The following ZNF892 variants were observed in gnomAD, a reference collection of about 807,000 sequenced individuals.
ZNF892 encodes the protein zinc finger protein 892.
At chr2:95,207,330 C>T in the ZNF892 span, among the ~76,000 whole-genome samples, 1 of 152,212 alleles carries the variant, frequency 6.6e-6, no homozygotes, top group Non-Finnish European at 1.5e-5. Flanking sequence ...AGAGTCGGCA[C>T]CGAGGGAGGA....
chr2:95,217,746 C>T, the ZNF892 span, among the ~76,000 whole-genome samples: 1 of 152,168 alleles, frequency 6.6e-6, no homozygotes, highest in Non-Finnish European at 1.5e-5. Flanking sequence ...GCTCAATGCT[C>T]TGCCTTCCAG....
the ZNF892 span, among the ~76,000 whole-genome samples, chr2:95,258,623 A>G: frequency 6.6e-6 from 1 of 152,182 alleles, no homozygotes; most frequent in Non-Finnish European, 1.5e-5. Flanking sequence ...GAGGGAGTTG[A>G]AAAAGTGGAA....
the ZNF892 span, among the ~76,000 whole-genome samples, chr2:95,262,803 C>T: frequency 6.6e-6 from 1 of 152,196 alleles, no homozygotes; most frequent in East Asian, 1.9e-4. Flanking sequence ...CTGACGTATT[C>T]AACTGAACCT....
the ZNF892 span, among the ~76,000 whole-genome samples, chr2:95,253,758 A>G: frequency 3.2e-4 from 49 of 152,058 alleles, no homozygotes; most frequent in African/African-American, 1.2e-3. Flanking sequence ...CTTTTATTTC[A>G]TTGTGCAGTG....
At chr2:95,259,659 A>G in the ZNF892 span, 1 of 152,276 alleles carries the variant, frequency 6.6e-6, no homozygotes, top group African/African-American at 2.4e-5. Context: ...ATTGGGACAG[A>G]ACTTGATTGT....
At chr2:95,261,234 C>T in the ZNF892 span, among the ~76,000 whole-genome samples, 1 of 152,178 alleles carries the variant, frequency 6.6e-6, no homozygotes, top group Non-Finnish European at 1.5e-5. Context: ...GACTGACATT[C>T]CTTCCTCTGT....
At chr2:95,238,418 C>T in the ZNF892 span, among the ~76,000 whole-genome samples, 48 of 152,350 alleles carry the variant, frequency 3.2e-4, no homozygotes, top group Non-Finnish European at 4.4e-5. Context: ...AGACCTACTG[C>T]TTAGAAAAAT....
At chr2:95,219,343 C>T in the ZNF892 span, among the ~76,000 whole-genome samples, 2 of 152,052 alleles carry the variant, frequency 1.3e-5, no homozygotes, top group African/African-American at 4.8e-5. Context: ...TTCACTAGAT[C>T]TTCCCTCTGT....
the ZNF892 span, among the ~76,000 whole-genome samples, chr2:95,257,760 G>A: frequency 2.6e-5 from 4 of 152,274 alleles, no homozygotes; most frequent in Non-Finnish European, 4.4e-5. Context: ...CTCAAGCCTC[G>A]GCAGTGGCGG....
the ZNF892 span, among the ~76,000 whole-genome samples, chr2:95,234,465 A>T: frequency 3.9e-5 from 6 of 152,196 alleles, no homozygotes; most frequent in Non-Finnish European, 8.8e-5. Context: ...AGAGAGGCCA[A>T]GGAGACTCTG....
the ZNF892 span, chr2:95,207,799 C>G: frequency 2.5e-6 from 1 of 398,624 alleles, no homozygotes; most frequent in Admixed American, 4.4e-5. Flanking sequence ...CAGCGCGGGC[C>G]GGAGGAAGGA....
chr2:95,257,184 T>C, the ZNF892 span, among the ~76,000 whole-genome samples: 2 of 152,208 alleles, frequency 1.3e-5, no homozygotes, highest in Non-Finnish European at 2.9e-5. Context: ...TGCTGTTTTT[T>C]CCCCATATTT....
chr2:95,239,979 G>A, the ZNF892 span, among the ~76,000 whole-genome samples: 1 of 152,154 alleles, frequency 6.6e-6, no homozygotes, highest in Non-Finnish European at 1.5e-5. Context: ...CAAAAAATTT[G>A]TGTCACTTGC....
the ZNF892 span, among the ~76,000 whole-genome samples, chr2:95,235,361 CTTTTT>C: frequency 7.6e-6 from 1 of 132,094 alleles, no homozygotes; most frequent in Non-Finnish European, 1.6e-5. Context: ...TTCCAGTAAA[CTTTTT>C]TTTTTTTTTT....
At chr2:95,249,389 C>T in the ZNF892 span, among the ~76,000 whole-genome samples, 19 of 148,448 alleles carry the variant, frequency 1.3e-4, no homozygotes, top group Admixed American at 4.0e-4. Flanking sequence ...TACAGGCGCC[C>T]GCCACCACTC....
At chr2:95,251,546 G>A in the ZNF892 span, among the ~76,000 whole-genome samples, 33 of 152,210 alleles carry the variant, frequency 2.2e-4, 1 homozygote, top group South Asian at 6.4e-3. Flanking sequence ...ATCAAAGACT[G>A]TCCCCATGAG....
the ZNF892 span, among the ~76,000 whole-genome samples, chr2:95,262,019 A>C: frequency 6.6e-6 from 1 of 152,234 alleles, no homozygotes; most frequent in Non-Finnish European, 1.5e-5. Flanking sequence ...AAAAGAGAAG[A>C]CATGAATTAT....
At chr2:95,247,267 C>T in the ZNF892 span, among the ~76,000 whole-genome samples, 1 of 152,160 alleles carries the variant, frequency 6.6e-6, no homozygotes, top group African/African-American at 2.4e-5. Context: ...AAAGGACTCC[C>T]TATTCAATAA....
the ZNF892 span, among the ~76,000 whole-genome samples, chr2:95,261,490 T>C: frequency 6.6e-6 from 1 of 152,150 alleles, no homozygotes; most frequent in African/African-American, 2.4e-5. Context: ...AGACGGGGTT[T>C]CACCATGTTG....
Sources: allele counts gnomAD v4.1 joint callset (sites outside exome capture counted in the v4.1 genomes callset), GRCh38; gene constraint gnomAD v4.1.1; transcripts MANE v1.5; gene names NCBI Gene and HGNC (gene_info 2026-07-23, HGNC 2026-07-21).